The following CEP128 variants were observed in gnomAD, a reference collection of about 807,000 sequenced individuals.
The protein encoded by CEP128 is centrosomal protein 128.
In CEP128, 132 loss-of-function variants were observed where a neutral mutation model predicts 156.7. The observed-to-expected ratio is 0.84, with a 90% CI of 0.73 to 0.97. The LOEUF (loss-of-function observed/expected upper bound fraction) is 0.97. Among genes scored for constraint, CEP128 ranks in the 50% least tolerant of loss-of-function variants. CEP128 has a pLI of 0.00. For missense variants in CEP128, 1,252 were observed against 1,281.9 expected (o/e 0.98, Z 0.36); for synonymous variants, 469 against 448.9 (o/e 1.04, Z -0.57).
chr14:80,886,694 A>G (rs1888820184), intron 8 of CEP128, among the ~76,000 whole-genome samples: 1 of 152,238 alleles, frequency 6.6e-6, no homozygotes, highest in African/African-American at 2.4e-5. Flanking sequence ...TGTAAAGACC[A>G]TTGACAATAG....
intron 19 of CEP128, among the ~76,000 whole-genome samples, chr14:80,618,135 T>C (rs531942263): frequency 2.0e-5 from 3 of 152,354 alleles, no homozygotes; most frequent in African/African-American, 7.2e-5. Flanking sequence ...CATTCCCATT[T>C]ATATCTGTAT....
chr14:80,800,582 TAACTAAGTTGC>T (rs1200230638), intron 13 of CEP128, among the ~76,000 whole-genome samples: 1 of 152,162 alleles, frequency 6.6e-6, no homozygotes, highest in African/African-American at 2.4e-5. Flanking sequence ...ACCCCTTTAA[TAACTAAGTTGC>T]CATGTTCCTT....
chr14:80,848,812 C>T (rs1886741871), intron 9 of CEP128, among the ~76,000 whole-genome samples: 1 of 151,628 alleles, frequency 6.6e-6, no homozygotes, highest in Admixed American at 6.6e-5. Flanking sequence ...ATCCCAGATA[C>T]TCGGGAGGCT....
chr14:80,731,264 T>C (rs1243126910), intron 19 of CEP128, among the ~76,000 whole-genome samples: 1 of 152,194 alleles, frequency 6.6e-6, no homozygotes, highest in Admixed American at 6.5e-5. Flanking sequence ...AAATCGAGTT[T>C]CACAAAGTCT....
intron 19 of CEP128, among the ~76,000 whole-genome samples, chr14:80,699,902 G>C (rs747871556): frequency 6.6e-6 from 1 of 152,070 alleles, no homozygotes; most frequent in Non-Finnish European, 1.5e-5. Context: ...TGCCTGCAGC[G>C]TGTCTCCCTT....
chr14:80,537,129 G>C (rs1236832446), intron 21 of CEP128, among the ~76,000 whole-genome samples: 1 of 152,106 alleles, frequency 6.6e-6, no homozygotes, highest in South Asian at 2.1e-4. Flanking sequence ...TGAAAACTGA[G>C]ATACAGAAGG....
At chr14:80,598,418 A>T (rs1297147288) in intron 19 of CEP128, among the ~76,000 whole-genome samples, 8 of 152,178 alleles carry the variant, frequency 5.3e-5, no homozygotes, top group African/African-American at 1.9e-4. Flanking sequence ...TTAACAAAAC[A>T]TGTAAAGAAT....
At chr14:80,847,654 G>C (rs1886676654) in intron 9 of CEP128, among the ~76,000 whole-genome samples, 1 of 152,064 alleles carries the variant, frequency 6.6e-6, no homozygotes, top group African/African-American at 2.4e-5. Flanking sequence ...TACAGTCTTA[G>C]CAAAAATGCC....
chr14:80,689,957 C>G (rs1470640), intron 19 of CEP128, among the ~76,000 whole-genome samples: 1 of 151,960 alleles, frequency 6.6e-6, no homozygotes, highest in African/African-American at 2.4e-5. Context: ...AAAACTACCA[C>G]AGTAAATAAG....
At chr14:80,709,323 A>G (rs1398776187) in intron 19 of CEP128, among the ~76,000 whole-genome samples, 7 of 152,064 alleles carry the variant, frequency 4.6e-5, no homozygotes, top group Admixed American at 6.6e-5. Flanking sequence ...TTTTTAGTAC[A>G]GATGGGGTTT....
In CEP128 at chr14:80,617,692, A is replaced by G. The variant is rs1354758396; in HGVS notation, c.2807-37269T>C. Among the ~76,000 whole-genome samples the G allele has an allele frequency of 2.0e-5, 3 of 152,322 alleles. No homozygotes were observed. The East Asian group carries it at 5.8e-4, about 29-fold the overall frequency. Reference sequence around the variant, plus strand: ...GAGCATTGGCTCACGCCTGTAACCCAGCACCTGGGGAGACCGAGGCGGATG... The same window carrying G: ...GAGCATTGGCTCACGCCTGTAACCCGGCACCTGGGGAGACCGAGGCGGATG... On this transcript the variant is annotated intron_variant, in intron 19 of 24. Transcript: ENST00000555265.
At chr14:80,637,103 A>G (rs1333068495) in intron 19 of CEP128, among the ~76,000 whole-genome samples, 1 of 80,448 alleles carries the variant, frequency 1.2e-5, no homozygotes, top group Non-Finnish European at 2.2e-5. Context: ...AAAAAAAAAG[A>G]AAAGAAAATA....
chr14:80,509,970 C>T (rs1262287977), intron 23 of CEP128, among the ~76,000 whole-genome samples: 1 of 152,006 alleles, frequency 6.6e-6, no homozygotes, highest in African/African-American at 2.4e-5. Flanking sequence ...CTATTCTGTT[C>T]CATTGGTCTA....
At chr14:80,818,308 C>T (rs973103962) in intron 13 of CEP128, among the ~76,000 whole-genome samples, 1 of 152,176 alleles carries the variant, frequency 6.6e-6, no homozygotes, top group African/African-American at 2.4e-5. Context: ...CACAAGCCAC[C>T]GTGCCCAGTC....
intron 19 of CEP128, among the ~76,000 whole-genome samples, chr14:80,633,228 G>GAAAC (rs58759716): frequency 0.62 from 92,692 of 150,438 alleles, 30,288 homozygotes; most frequent in Non-Finnish European, 0.71. Flanking sequence ...ACCCTGCCTA[G>GAAAC]AAACAAACAA....
At chr14:80,606,758 C>T (rs1370291828) in intron 19 of CEP128, among the ~76,000 whole-genome samples, 1 of 151,952 alleles carries the variant, frequency 6.6e-6, no homozygotes, top group Non-Finnish European at 1.5e-5. Context: ...CCTCTTTTCC[C>T]AACACTTTCA....
chr14:80,652,784 T>C (rs1185094162), intron 19 of CEP128, among the ~76,000 whole-genome samples: 1 of 152,172 alleles, frequency 6.6e-6, no homozygotes, highest in African/African-American at 2.4e-5. Flanking sequence ...AGTGTGGTGA[T>C]TCCTCAAGGA....
intron 19 of CEP128, 22 bp downstream of exon 19, chr14:80,743,053 T>C (rs200601371): frequency 7.3e-5 from 118 of 1,606,022 alleles, no homozygotes; most frequent in Non-Finnish European, 9.1e-5. Flanking sequence ...CAAAGAAAAA[T>C]GAAAGAACAA....
At chr14:80,550,813 A>G (rs1434126010) in intron 21 of CEP128, among the ~76,000 whole-genome samples, 5 of 43,700 alleles carry the variant, frequency 1.1e-4, no homozygotes, top group Non-Finnish European at 1.8e-4. Flanking sequence ...TGTGAAATGT[A>G]AAAAAAAAAA....
Sources: allele counts gnomAD v4.1 joint callset (sites outside exome capture counted in the v4.1 genomes callset), GRCh38; gene constraint gnomAD v4.1.1; transcripts MANE v1.5; gene names NCBI Gene and HGNC (gene_info 2026-07-23, HGNC 2026-07-21).